Variants in VWC2L observed in about 807,000 individuals in gnomAD.
The protein encoded by VWC2L is von Willebrand factor C domain-containing protein 2-like.
Under a neutral mutation model 21.6 loss-of-function variants are expected in VWC2L, and 10 were observed. The observed-to-expected ratio is 0.46, with a 90% CI of 0.29 to 0.78. The LOEUF (loss-of-function observed/expected upper bound fraction) is 0.78, where lower values mean the gene tolerates loss of function less well. Ranked by LOEUF, VWC2L falls within the 30% of genes least tolerant of loss-of-function variation. VWC2L has a pLI of 0.10. For missense variants in VWC2L, 209 were observed against 277.1 expected, an observed-to-expected ratio of 0.75 and a Z score of 1.74; for synonymous variants, 96 against 94.3, an observed-to-expected ratio of 1.02 and a Z score of -0.10.
chr2:214,444,054 A>G (rs1171833786), intron 3 of VWC2L, among the ~76,000 whole-genome samples: 1 of 152,122 alleles, frequency 6.6e-6, no homozygotes, highest in African/African-American at 2.4e-5. Context: ...TAACACATAT[A>G]TGTATTAAAA....
intron 3 of VWC2L, among the ~76,000 whole-genome samples, chr2:214,511,188 T>C (rs1030328328): frequency 1.3e-5 from 2 of 151,876 alleles, no homozygotes; most frequent in Non-Finnish European, 2.9e-5. Context: ...TCACTTGAAC[T>C]CAGAAGACCA....
intron 3 of VWC2L, among the ~76,000 whole-genome samples, chr2:214,529,282 T>G (rs956178304): frequency 2.0e-5 from 3 of 152,132 alleles, no homozygotes; most frequent in African/African-American, 7.2e-5. Flanking sequence ...CAGAGAAGTT[T>G]ATTAACGTGA....
At chr2:214,439,045 T>C (rs1264571764) in intron 3 of VWC2L, among the ~76,000 whole-genome samples, 1 of 152,074 alleles carries the variant, frequency 6.6e-6, no homozygotes, top group African/African-American at 2.4e-5. Context: ...TGAGATGTTA[T>C]CTTTTTGTTA....
intron 3 of VWC2L, among the ~76,000 whole-genome samples, chr2:214,522,069 CCTAGT>C (rs1689249386): frequency 6.6e-6 from 1 of 152,232 alleles, no homozygotes; most frequent in East Asian, 1.9e-4. Context: ...AATGTTTAAT[CCTAGT>C]CTTTTACAAA....
intron 3 of VWC2L, among the ~76,000 whole-genome samples, chr2:214,571,147 CA>C (rs758080089): frequency 6.6e-6 from 1 of 152,184 alleles, no homozygotes; most frequent in Non-Finnish European, 1.5e-5. Flanking sequence ...TATGCAAACA[CA>C]AAAACCAACT....
chr2:214,532,000 A>C (rs1438533191), intron 3 of VWC2L, among the ~76,000 whole-genome samples: 2 of 152,142 alleles, frequency 1.3e-5, no homozygotes, highest in African/African-American at 4.8e-5. Context: ...GTAAAGGCTA[A>C]GGGGAGAAAA....
chr2:214,431,135 G>A lies in VWC2L; in HGVS notation c.391-5494G>A, dbSNP rs567104245. ...AATTACCGGCTACGGGAGTGGCAGTGGATGCTAAATACTTTTGCACTTTGT... is the reference window on the plus strand; with the variant it reads ...AATTACCGGCTACGGGAGTGGCAGTAGATGCTAAATACTTTTGCACTTTGT... On this transcript the variant is annotated intron_variant, in intron 2 of 3. Coordinates refer to ENST00000312504, the MANE Select transcript of VWC2L (RefSeq NM_001080500.4). Among the ~76,000 whole-genome samples, 4 of 152,280 alleles carry A rather than the reference G, an allele frequency of 2.6e-5. No homozygotes were observed. The East Asian group carries it at 7.7e-4, about 29-fold the overall frequency.
At chr2:214,521,102 G>A (rs1357130918) in intron 3 of VWC2L, among the ~76,000 whole-genome samples, 1 of 151,910 alleles carries the variant, frequency 6.6e-6, no homozygotes, top group Non-Finnish European at 1.5e-5. Context: ...GTGGGAGCCT[G>A]TAGTCCCAGC....
chr2:214,538,870 C>G (rs572239837), intron 3 of VWC2L, among the ~76,000 whole-genome samples: 57 of 151,944 alleles, frequency 3.8e-4, no homozygotes, highest in Non-Finnish European at 7.6e-4. Flanking sequence ...TTCAGAAATC[C>G]ACAGTTCTCA....
At chr2:214,498,406 A>T (rs116763650) in intron 3 of VWC2L, among the ~76,000 whole-genome samples, 29 of 152,182 alleles carry the variant, frequency 1.9e-4, no homozygotes, top group Non-Finnish European at 4.1e-4. Flanking sequence ...AATGACCCCC[A>T]TTTCCAGAAC....
chr2:214,513,644 T>G (rs1002883573), intron 3 of VWC2L, among the ~76,000 whole-genome samples: 9 of 152,188 alleles, frequency 5.9e-5, no homozygotes, highest in Non-Finnish European at 1.0e-4. Flanking sequence ...ATTCAATATA[T>G]AATTTTGGAG....
At chr2:214,567,543 CACAT>C (rs1278954534) in intron 3 of VWC2L, among the ~76,000 whole-genome samples, 122 of 69,626 alleles carry the variant, frequency 1.8e-3, no homozygotes, top group African/African-American at 5.4e-3. Context: ...CCCCTTCATC[CACAT>C]ACACACACAC....
rs73987352 is a variant in VWC2L, at chr2:214,480,289, A to G, written c.520+43531A>G. ...AGATAATGTGAATTAACAAAACTAG[A>G]AAAAACCTAAAGTCCCAGATGTTTG... On this transcript the variant is annotated intron_variant, in intron 3 of 3. Transcript: ENST00000312504. Among the ~76,000 whole-genome samples, 1,280 of 152,328 alleles carry G rather than the reference A, an allele frequency of 8.4e-3. 21 individuals carry two copies. The highest frequency in any genetic ancestry group is 0.029 in the African/African-American group (1,205 of 41,574).
intron 3 of VWC2L, among the ~76,000 whole-genome samples, chr2:214,441,896 T>G (rs1702767245): frequency 6.6e-6 from 1 of 151,410 alleles, no homozygotes; most frequent in Admixed American, 6.6e-5. Flanking sequence ...AAAATAAGAT[T>G]TTTATTTTAA....
At chr2:214,561,728 T>C (rs776418287) in intron 3 of VWC2L, among the ~76,000 whole-genome samples, 10 of 149,446 alleles carry the variant, frequency 6.7e-5, no homozygotes, top group South Asian at 2.1e-4. Context: ...TAAGCCAAGA[T>C]CACACCACAG....
chr2:214,514,177 C>A (rs72943382), intron 3 of VWC2L, among the ~76,000 whole-genome samples: 10,797 of 150,906 alleles, frequency 0.072, 576 homozygotes, highest in Non-Finnish European at 0.11. Flanking sequence ...TTTCTGTAAT[C>A]ATTTACTTAA....
intron 3 of VWC2L, among the ~76,000 whole-genome samples, chr2:214,530,659 CACAA>C (rs1183725110): frequency 1.3e-5 from 2 of 152,076 alleles, no homozygotes; most frequent in African/African-American, 2.4e-5. Context: ...AAATTAGGGA[CACAA>C]ACAAATTTTG....
At chr2:214,553,354 T>C (rs1318603104) in intron 3 of VWC2L, among the ~76,000 whole-genome samples, 3 of 152,216 alleles carry the variant, frequency 2.0e-5, no homozygotes, top group Non-Finnish European at 4.4e-5. Context: ...CTCGATTTTA[T>C]ATATTTTAGA....
intron 2 of VWC2L, 60 bp from the exon 3 acceptor site, chr2:214,436,569 T>TATGA (rs1220411302): frequency 6.3e-6 from 10 of 1,592,166 alleles, no homozygotes; most frequent in Non-Finnish European, 7.7e-6. Flanking sequence ...TCTGACAGCA[T>TATGA]ATGAATGTGC....
Sources: allele counts gnomAD v4.1 joint callset (sites outside exome capture counted in the v4.1 genomes callset), GRCh38; gene constraint gnomAD v4.1.1; transcripts MANE v1.5; gene names NCBI Gene and HGNC (gene_info 2026-07-23, HGNC 2026-07-21).